CNTN5: variants seen among roughly 807,000 people sequenced by gnomAD.
The protein encoded by CNTN5 is contactin 5.
CNTN5 carries 77 observed loss-of-function variants against 129.1 expected under a neutral mutation model. The ratio of observed to expected loss-of-function variants is 0.60; its 90% CI spans 0.50 to 0.72. CNTN5 has a LOEUF of 0.72. Ranked by LOEUF, CNTN5 falls within the 30% of genes least tolerant of loss-of-function variation. The probability of loss-of-function intolerance (pLI) is 0.00; values close to 1 mark genes in which losing one functional copy is unlikely to be tolerated. For missense variants in CNTN5, 1,478 were observed against 1,328.8 expected, an observed-to-expected ratio of 1.11 and a Z score of -1.75; for synonymous variants, 509 against 465.6, an observed-to-expected ratio of 1.09 and a Z score of -1.20.
chr11:99,990,547 T>C (rs1939015322), intron 8 of CNTN5, among the ~76,000 whole-genome samples: 1 of 151,834 alleles, frequency 6.6e-6, no homozygotes, highest in Non-Finnish European at 1.5e-5. Context: ...TTTTCAATCA[T>C]CCTACATAAA....
intron 1 of CNTN5, among the ~76,000 whole-genome samples, chr11:99,047,109 T>A (rs1169941488): frequency 6.6e-6 from 1 of 152,032 alleles, no homozygotes; most frequent in Non-Finnish European, 1.5e-5. Flanking sequence ...TTTTGTCATT[T>A]TAAACATGGC....
rs886588911 is a variant in CNTN5 at position 99,791,393 on chromosome 11, A to C, written c.56-28151A>C. Among the ~76,000 whole-genome samples the C allele has an allele frequency of 3.9e-5, 6 of 152,254 alleles. No individual in the cohort carries two copies. In the South Asian group the frequency reaches 1.2e-3, roughly 32 times the overall value. Reference sequence around the variant, plus strand: ...CAGGTTATTCCAACATCATTTATTGAATAGGGAGACTTTCCCCGTCACTTA... The same window carrying C: ...CAGGTTATTCCAACATCATTTATTGCATAGGGAGACTTTCCCCGTCACTTA... On this transcript the variant is annotated intron_variant, in intron 3 of 24. Transcript: ENST00000524871.
At chr11:99,515,863 A>G (rs1260212814) in intron 2 of CNTN5, among the ~76,000 whole-genome samples, 3 of 151,940 alleles carry the variant, frequency 2.0e-5, no homozygotes, top group East Asian at 3.9e-4. Context: ...TACAAAATGA[A>G]TAATTGCTAG....
At chr11:99,057,765 T>C (rs1864685031) in intron 1 of CNTN5, among the ~76,000 whole-genome samples, 1 of 149,224 alleles carries the variant, frequency 6.7e-6, no homozygotes, top group African/African-American at 2.5e-5. Flanking sequence ...ATGTAATAAG[T>C]AAGTGAAACA....
chr11:100,073,293 C>T (rs1178132004), intron 12 of CNTN5, among the ~76,000 whole-genome samples: 1 of 152,038 alleles, frequency 6.6e-6, no homozygotes, highest in African/African-American at 2.4e-5. Context: ...GTGATCTGCC[C>T]ACCTCAGCCT....
At chr11:99,107,270 A>G (rs2135370644) in intron 1 of CNTN5, among the ~76,000 whole-genome samples, 1 of 152,304 alleles carries the variant, frequency 6.6e-6, no homozygotes, top group African/African-American at 2.4e-5. Flanking sequence ...ACATACATAC[A>G]TACGTAAGTG....
chr11:100,086,196 T>C (rs1170772980), intron 13 of CNTN5, among the ~76,000 whole-genome samples: 1 of 151,406 alleles, frequency 6.6e-6, no homozygotes, highest in Non-Finnish European at 1.5e-5. Flanking sequence ...ATTAATATCT[T>C]TTATTTAATT....
chr11:100,334,047 C>G (rs1951971059), intron 21 of CNTN5, among the ~76,000 whole-genome samples: 1 of 152,108 alleles, frequency 6.6e-6, no homozygotes, highest in South Asian at 2.1e-4. Context: ...CAACAAAGGA[C>G]TAATATCAGA....
At chr11:99,318,441 C>T (rs1865434801) in intron 1 of CNTN5, among the ~76,000 whole-genome samples, 1 of 152,072 alleles carries the variant, frequency 6.6e-6, no homozygotes, top group Non-Finnish European at 1.5e-5. Flanking sequence ...AGCACTAATG[C>T]TATGATTCAT....
At chr11:100,294,663 T>G (rs11603470) in intron 18 of CNTN5, among the ~76,000 whole-genome samples, 1 of 151,608 alleles carries the variant, frequency 6.6e-6, no homozygotes, top group Admixed American at 6.6e-5. Flanking sequence ...ATATTTTGTT[T>G]TAAAGTAAAT....
intron 1 of CNTN5, among the ~76,000 whole-genome samples, chr11:99,083,192 T>C (rs942511640): frequency 2.6e-5 from 4 of 152,186 alleles, no homozygotes; most frequent in Non-Finnish European, 4.4e-5. Flanking sequence ...CTTCTGTGAT[T>C]ATTCTTCCTT....
intron 3 of CNTN5, among the ~76,000 whole-genome samples, chr11:99,597,142 T>C (rs1321023499): frequency 6.6e-6 from 1 of 152,152 alleles, no homozygotes; most frequent in African/African-American, 2.4e-5. Context: ...TAAGAGGATA[T>C]ATTAAACAAT....
In CNTN5 at chr11:99,939,061, AC is replaced by A. The variant is rs935816134; in HGVS notation, c.674-17742del. Among the ~76,000 whole-genome samples, 3 of 152,166 alleles carry A rather than the reference AC, an allele frequency of 2.0e-5. No individual in the cohort carries two copies. The East Asian group carries it at 5.8e-4, about 29-fold the overall frequency. On this transcript the variant is annotated intron_variant, in intron 7 of 24. Coordinates refer to ENST00000524871, the MANE Select transcript of CNTN5 (RefSeq NM_014361.4). Reference sequence around the variant, plus strand: ...TACCTTTTATTGAGCTGATTTATCAACCCTCCGGTGTTTCTAATTTCTGTAT... The same window carrying A: ...TACCTTTTATTGAGCTGATTTATCAACCTCCGGTGTTTCTAATTTCTGTAT...
intron 4 of CNTN5, among the ~76,000 whole-genome samples, chr11:99,839,040 C>T (rs1947393590): frequency 6.6e-6 from 1 of 151,956 alleles, no homozygotes; most frequent in South Asian, 2.1e-4. Context: ...TGGAAAAATT[C>T]TTCACAAGTT....
intron 13 of CNTN5, among the ~76,000 whole-genome samples, chr11:100,105,350 T>C (rs1945388334): frequency 6.6e-6 from 1 of 151,988 alleles, no homozygotes; most frequent in African/African-American, 2.4e-5. Context: ...AGAGAGAATT[T>C]GCATCTGTGT....
At chr11:99,460,348 G>T (rs112035192) in intron 2 of CNTN5, among the ~76,000 whole-genome samples, 1,841 of 151,666 alleles carry the variant, frequency 0.012, 37 homozygotes, top group African/African-American at 0.042. Context: ...TAGATACATT[G>T]TAGTAGAAAG....
At chr11:99,868,937 T>G (rs746798981) in intron 6 of CNTN5, among the ~76,000 whole-genome samples, 1 of 152,228 alleles carries the variant, frequency 6.6e-6, no homozygotes, top group Non-Finnish European at 1.5e-5. Flanking sequence ...AGAACAAGTT[T>G]TAAAATGCTG....
intron 1 of CNTN5, among the ~76,000 whole-genome samples, chr11:99,166,697 A>G (rs1860889703): frequency 1.3e-5 from 2 of 152,000 alleles, no homozygotes; most frequent in Admixed American, 6.6e-5. Context: ...TACAGCTGAC[A>G]CAGTAATGTT....
intron 3 of CNTN5, among the ~76,000 whole-genome samples, chr11:99,668,459 T>C (rs1171099761): frequency 3.9e-5 from 6 of 152,150 alleles, no homozygotes; most frequent in South Asian, 2.1e-4. Context: ...ACGGTAATCT[T>C]TGTGAACAGC....
Sources: gnomAD v4.1 joint callset for allele counts (sites outside exome capture counted in the v4.1 genomes callset) on GRCh38, gnomAD v4.1.1 for gene constraint, MANE v1.5 for transcripts, NCBI Gene and HGNC (gene_info 2026-07-23, HGNC 2026-07-21) for gene names.